The following VRK2 variants were observed in gnomAD, a reference collection of about 807,000 sequenced individuals.
The protein encoded by VRK2 is VRK serine/threonine kinase 2.
A neutral mutation model predicts 57.6 loss-of-function variants in VRK2; 60 were observed. The observed-to-expected ratio is 1.04, with a 90% CI of 0.85 to 1.29. VRK2 has a LOEUF of 1.29. Among genes scored for constraint, VRK2 ranks in the 50% most tolerant of loss-of-function variants. The pLI, the probability that VRK2 is intolerant of heterozygous loss-of-function variation, is 0.00. For missense variants in VRK2, 705 were observed against 588.1 expected (o/e 1.20, Z -2.06); for synonymous variants, 231 against 199.2 (o/e 1.16, Z -1.35).
chr2:58,029,309 A>G (rs1477858559), intron 2 of VRK2, among the ~76,000 whole-genome samples: 2 of 151,972 alleles, frequency 1.3e-5, no homozygotes, highest in African/African-American at 4.8e-5. Flanking sequence ...TCTTTTTCCT[A>G]TTTGGCCTAC....
At chr2:57,923,283 A>AT (rs1264728605) in intron 1 of VRK2, among the ~76,000 whole-genome samples, 10 of 151,700 alleles carry the variant, frequency 6.6e-5, no homozygotes, top group South Asian at 4.1e-4. Flanking sequence ...TTTTAGCTCC[A>AT]TTTTTTCTTA....
At chr2:58,082,496 C>T (rs1671028892) in intron 2 of VRK2, among the ~76,000 whole-genome samples, 1 of 151,852 alleles carries the variant, frequency 6.6e-6, no homozygotes, top group Non-Finnish European at 1.5e-5. Flanking sequence ...AAGGTTGGAA[C>T]AGGATATTTC....
rs182917087 is a variant in VRK2, at chr2:57,985,297, T to C, written c.-438-40368T>C. The stretch of plus-strand genomic sequence containing the variant: ...TTCCTTGTGATATATTTCTAATATT[T>C]AGAGAAAAGGAGGGTAAAACTACAA... On this transcript the variant is annotated intron_variant, in intron 1 of 15. Coordinates refer to the VRK2 transcript ENST00000417641. Among the ~76,000 whole-genome samples, 3 of 152,220 alleles carry C rather than the reference T, an allele frequency of 2.0e-5. No individual in the cohort carries two copies. The East Asian group carries it at 5.8e-4, about 29-fold the overall frequency.
At chr2:58,009,116 C>A (rs1283601543) in intron 1 of VRK2, among the ~76,000 whole-genome samples, 3 of 152,110 alleles carry the variant, frequency 2.0e-5, no homozygotes, top group Non-Finnish European at 2.9e-5. Flanking sequence ...ATTGGCAACT[C>A]CTGAATTTTG....
intron 7 of VRK2, among the ~76,000 whole-genome samples, chr2:58,109,475 A>G (rs994423934): frequency 1.3e-5 from 2 of 152,176 alleles, no homozygotes; most frequent in African/African-American, 4.8e-5. Context: ...TTTATAAAGA[A>G]AAGAGGTTTA....
intron 1 of VRK2, among the ~76,000 whole-genome samples, chr2:58,012,482 G>C (rs530602836): frequency 3.9e-4 from 60 of 152,184 alleles, no homozygotes; most frequent in African/African-American, 1.3e-3. Flanking sequence ...TTTTTTTAAG[G>C]CTTTATTTAT....
intron 1 of VRK2, among the ~76,000 whole-genome samples, chr2:57,936,228 C>T (rs1306711001): frequency 6.6e-6 from 1 of 152,194 alleles, no homozygotes; most frequent in East Asian, 1.9e-4. Context: ...AGCTTACTTG[C>T]AATTTATATT....
In VRK2 at chr2:58,139,827, C is replaced by A; in HGVS notation, c.1018C>A (p.Gln340Lys). ...TATAAATGTCCATACTCCAAACAGTCAAAAAGTAAGTAACATAATCCCTGC... is the reference window on the plus strand; with the variant it reads ...TATAAATGTCCATACTCCAAACAGTAAAAAAGTAAGTAACATAATCCCTGC... ...QSINVHTPNS[Q>K]KVDSQKAATK... The change falls in exon 11 of 13, where the codon CAA becomes AAA. Residue 340 changes from glutamine to lysine, a missense_variant. Physicochemically the swap from Gln to Lys is moderately conservative, Grantham distance 53. Coordinates refer to ENST00000340157, the MANE Select transcript of VRK2 (RefSeq NM_006296.7). 10 of 1,607,490 alleles carry A rather than the reference C, an allele frequency of 6.2e-6. No homozygotes were observed. The highest frequency in any genetic ancestry group is 1.1e-5 in the South Asian group (1 of 90,046).
chr2:57,910,357 A>G (rs978437415), intron 1 of VRK2, among the ~76,000 whole-genome samples: 1 of 148,302 alleles, frequency 6.7e-6, no homozygotes, highest in East Asian at 1.9e-4. Flanking sequence ...GGATTATGAC[A>G]ATAAAACACA....
chr2:58,084,274 T>C, intron 3 of VRK2, 136 bp downstream of exon 3: 1 of 842,122 alleles, frequency 1.2e-6, no homozygotes, highest in South Asian at 2.6e-5. Flanking sequence ...TTTGACGTTG[T>C]TAAAACATTA....
chr2:58,146,408 C>T lies in VRK2; in HGVS notation c.1116C>T (p.Ser372=), dbSNP rs778396053. 21 of 1,611,684 alleles carry T rather than the reference C, an allele frequency of 1.3e-5. No individual in the cohort carries two copies. In the South Asian group the frequency reaches 2.0e-4, roughly 15 times the overall value. ...TCCACAGTGAGAGAAGCGCTGAGTC[C>T]TGTGCAACATGGAAAGTGCAGAAAG... ...KKVHSERSAE[S]CATWKVQKEE... Residue 372 remains serine (S), a synonymous_variant, in exon 12 of 13, where the codon TCC becomes TCT. Transcript: ENST00000340157.
chr2:58,013,079 T>C (rs974530410), intron 1 of VRK2, among the ~76,000 whole-genome samples: 3 of 152,094 alleles, frequency 2.0e-5, no homozygotes, highest in African/African-American at 7.2e-5. Context: ...TATGTTTTTA[T>C]AAAAAAATTT....
At chr2:58,040,975 T>C (rs1392007065) in intron 3 of VRK2, 4 of 915,766 alleles carry the variant, frequency 4.4e-6, no homozygotes, top group East Asian at 2.4e-4. Flanking sequence ...ACTCTATTCT[T>C]ATTGAACATT....
chr2:58,042,488 A>G (rs867163477), upstream of VRK2, among the ~76,000 whole-genome samples: 21 of 152,224 alleles, frequency 1.4e-4, no homozygotes, highest in African/African-American at 5.1e-4. Flanking sequence ...ACGTTCACTG[A>G]TATGATCTCC....
chr2:58,064,435 G>C (rs1320784227), intron 2 of VRK2, among the ~76,000 whole-genome samples: 1 of 152,072 alleles, frequency 6.6e-6, no homozygotes, highest in African/African-American at 2.4e-5. Flanking sequence ...AAGATAACTT[G>C]CTAAAAGTTC....
Position 57,932,902 on chromosome 2 carries a change from C to A in VRK2, c.-439+25063C>A, listed in dbSNP as rs1212028079. Among the ~76,000 whole-genome samples the A allele has an allele frequency of 2.0e-5, 3 of 152,246 alleles. No homozygotes were observed. The East Asian group carries it at 5.8e-4, about 29-fold the overall frequency. ...TTTGAGTTTCAACTTTCATTTGTCT[C>A]AAGATAATTTCTTATTTCTTTTTTG... On this transcript the variant is annotated intron_variant, in intron 1 of 15. Transcript: ENST00000417641.
chr2:58,150,012 T>TGC (rs1481341442), intron 12 of VRK2, among the ~76,000 whole-genome samples: 1 of 148,754 alleles, frequency 6.7e-6, no homozygotes, highest in African/African-American at 2.5e-5. Flanking sequence ...TTTTTTTTTT[T>TGC]TTGCAAAGTG....
At chr2:58,099,910 A>G (rs567422475) in intron 7 of VRK2, among the ~76,000 whole-genome samples, 93 of 152,164 alleles carry the variant, frequency 6.1e-4, no homozygotes, top group African/African-American at 2.0e-3. Flanking sequence ...CTAAAATTCT[A>G]TGATTTTATG....
At chr2:58,136,985 T>TC (rs1680246851) in intron 10 of VRK2, among the ~76,000 whole-genome samples, 1 of 134,176 alleles carries the variant, frequency 7.5e-6, no homozygotes, top group African/African-American at 2.9e-5. Flanking sequence ...ATATATCATA[T>TC]ATATGTGTAT....
Sources: allele counts gnomAD v4.1 joint callset (sites outside exome capture counted in the v4.1 genomes callset), GRCh38; gene constraint gnomAD v4.1.1; transcripts MANE v1.5; gene names NCBI Gene and HGNC (gene_info 2026-07-23, HGNC 2026-07-21).